SYTL2: variants seen among roughly 807,000 people sequenced by gnomAD.
The protein encoded by SYTL2 is synaptotagmin like 2, also known as synaptotagmin-like protein 2.
A neutral mutation model predicts 198.7 loss-of-function variants in SYTL2; 165 were observed. The ratio of observed to expected loss-of-function variants is 0.83; its 90% CI spans 0.73 to 0.94. The LOEUF (loss-of-function observed/expected upper bound fraction) is 0.94, where lower values mean the gene tolerates loss of function less well. SYTL2 is among the 40% of genes least tolerant of loss of function. The pLI, the probability that SYTL2 is intolerant of heterozygous loss-of-function variation, is 0.00. For synonymous variants in SYTL2, 966 were observed against 917.7 expected (o/e 1.05, Z -0.95); for missense variants, 2,835 against 2,582.8 (o/e 1.10, Z -2.12).
At chr11:85,714,991 TG>T (rs2086925950) in intron 11 of SYTL2, 1 of 152,544 alleles carries the variant, frequency 6.6e-6, no homozygotes, top group Non-Finnish European at 1.5e-5. Context: ...AGAGTAGGTT[TG>T]TTTAGTGAGC....
rs766544294 is a variant in SYTL2, at chr11:85,724,940, T to C, written c.4418A>G (p.Lys1473Arg). The change falls in exon 8 of 20, where the codon AAA becomes AGA. Residue 1473 changes from lysine to arginine, a missense_variant. Physicochemically the swap from Lys to Arg is conservative, Grantham distance 26 (BLOSUM62 2). Coordinates refer to ENST00000359152, the MANE Select transcript of SYTL2 (RefSeq NM_206927.4). ...TTCTTCCACTTCCTGAGGGAGGCCT[T>C]TGCCATATTGAGCAACAATGGAAGC... ...SFASIVAQYG[K>R]GLPQEVEEIV... 5.8e-5 allele frequency: 94 copies of C among 1,613,908 alleles called. No individual in the cohort carries two copies. Among genetic ancestry groups the C allele is most frequent in the Non-Finnish European group, 7.8e-5 (92 of 1,179,984 alleles).
chr11:85,733,317 C>T (rs1440595789), intron 7 of SYTL2, among the ~76,000 whole-genome samples: 1 of 152,166 alleles, frequency 6.6e-6, no homozygotes, highest in African/African-American at 2.4e-5. Flanking sequence ...GTCTTTCTTA[C>T]TCTATTCCAC....
In SYTL2 at chr11:85,726,372, T is replaced by C. The variant is rs1173638313; in HGVS notation, c.2986A>G (p.Asn996Asp). The C allele has an allele frequency of 1.2e-6, 2 of 1,613,894 alleles. No individual in the cohort carries two copies. Among genetic ancestry groups the C allele is most frequent in the Non-Finnish European group, 1.7e-6 (2 of 1,179,958 alleles). ...RKFWDLEANS[N>D]SKDNDKNITT... ...ATATTCTTGTCATTATCCTTACTGT[T>C]TGAATTAGCTTCTAAGTCCCAAAAC... The change falls in exon 8 of 20, where the codon AAC (asparagine) becomes GAC (aspartate). Residue 996 changes from asparagine to aspartate, a missense_variant. By Grantham distance (23) the Asn-to-Asp change is conservative (BLOSUM62 1). Coordinates refer to ENST00000359152, the MANE Select transcript of SYTL2 (RefSeq NM_206927.4).
At chr11:85,811,579 A>C (rs551429381), upstream of SYTL2, among the ~76,000 whole-genome samples, 2 of 152,212 alleles carry the variant, frequency 1.3e-5, no homozygotes, top group East Asian at 3.9e-4. Context: ...TCATGGGGTA[A>C]CTTGCTTTAA....
the SYTL2 span, among the ~76,000 whole-genome samples, chr11:85,818,178 C>T: frequency 6.6e-6 from 1 of 152,080 alleles, no homozygotes; most frequent in Non-Finnish European, 1.5e-5. Flanking sequence ...GCTGGTATTA[C>T]AGGCGTGAGC....
intron 9 of SYTL2, 94 bp from the exon 10 acceptor site, chr11:85,718,937 C>T: frequency 1.9e-6 from 3 of 1,557,436 alleles, no homozygotes; most frequent in Non-Finnish European, 2.6e-6. Flanking sequence ...GAGTTGGAAG[C>T]AATTAGTCAA....
intron 16 of SYTL2, among the ~76,000 whole-genome samples, chr11:85,702,656 T>C (rs79422696): frequency 0.021 from 3,145 of 152,306 alleles, 62 homozygotes; most frequent in Admixed American, 0.037. Context: ...CAAAGTCAGT[T>C]TATTCCCAGA....
In SYTL2 at chr11:85,726,509, G is replaced by T; in HGVS notation, c.2849C>A (p.Pro950His). The change falls in exon 8 of 20, where the codon CCT (proline) becomes CAT (histidine). Residue 950 changes from proline (P) to histidine (H), a missense_variant. This residue lies in a region of SYTL2 where 2,645 missense variants were observed against 2,381.7 expected (regional missense o/e 1.11). Transcript: ENST00000359152. ...GTTGGCATTTGATTCACGAACTAGA[G>T]GTCTGTCTTTCTCCAATGGAGCATG... ...ERHAPLEKDRPLVRESNANFK... is the reference protein window; with the variant it reads ...ERHAPLEKDRHLVRESNANFK... The T allele has an allele frequency of 1.2e-6, 2 of 1,605,902 alleles. No individual in the cohort carries two copies. The highest frequency in any genetic ancestry group is 1.7e-6 in the Non-Finnish European group (2 of 1,179,908).
At chr11:85,712,819 C>A (rs1354597397) in intron 12 of SYTL2, among the ~76,000 whole-genome samples, 1 of 151,964 alleles carries the variant, frequency 6.6e-6, no homozygotes, top group Non-Finnish European at 1.5e-5. Flanking sequence ...CGGGTTCAAG[C>A]AATTCCCCTG....
rs772821183 is a variant in SYTL2, at chr11:85,717,551, G to A, written c.5483-21C>T. ...CTCATCTACTCAGGAGGGCAACATT[G>A]AGAATAAATACCATTTTAACAGAAG... On this transcript the variant is annotated intron_variant, in intron 10 of 19. Transcript: ENST00000359152. 6.3e-6 allele frequency: 10 copies of A among 1,599,568 alleles called. No homozygotes were observed. In the East Asian group the frequency reaches 2.2e-4, roughly 36 times the overall value.
intron 1 of SYTL2, among the ~76,000 whole-genome samples, chr11:85,776,340 G>T (rs2092450775): frequency 6.6e-6 from 1 of 152,164 alleles, no homozygotes; most frequent in African/African-American, 2.4e-5. Flanking sequence ...GCCATGGTTT[G>T]CTGCACCCAT....
At chr11:85,716,137 G>C (rs1271507415) in intron 11 of SYTL2, 1 of 152,152 alleles carries the variant, frequency 6.6e-6, no homozygotes, top group Non-Finnish European at 1.5e-5. Flanking sequence ...CATGAATAAA[G>C]ATACAGATAT....
At chr11:85,773,025 T>A (rs2153582226) in intron 1 of SYTL2, among the ~76,000 whole-genome samples, 1 of 152,324 alleles carries the variant, frequency 6.6e-6, no homozygotes, top group African/African-American at 2.4e-5. Flanking sequence ...ACACTGAAAT[T>A]TCCTTGGGAA....
chr11:85,701,161 A>C (rs1460979535), intron 16 of SYTL2, among the ~76,000 whole-genome samples: 3 of 152,196 alleles, frequency 2.0e-5, no homozygotes, highest in African/African-American at 7.2e-5. Flanking sequence ...TCCTTATCTG[A>C]AATGCTTGGG....
At chr11:85,769,093 T>A (rs1474014310) in intron 1 of SYTL2, among the ~76,000 whole-genome samples, 2 of 152,214 alleles carry the variant, frequency 1.3e-5, no homozygotes, top group African/African-American at 4.8e-5. Flanking sequence ...AAAAGGGCTG[T>A]GCAAAAAAGT....
Position 85,736,575 on chromosome 11 carries a change from CCTT to C in SYTL2, c.509_511del (p.Glu170del). 1 of 1,606,306 alleles carries C rather than the reference CCTT, an allele frequency of 6.2e-7. No homozygotes were observed. On this transcript the variant is annotated inframe_deletion, in exon 6 of 20. Coordinates refer to ENST00000359152, the MANE Select transcript of SYTL2 (RefSeq NM_206927.4). ...ATTTTTAGTTTGTTGTGATGAGTGA[CCTT>C]CTGGCAACTTGGAGCTATTAAACGG... is the stretch of plus-strand genomic sequence containing the variant.
chr11:85,734,558 A>G lies in SYTL2; in HGVS notation c.771T>C (p.Pro257=). 6.2e-7 allele frequency: 1 copy of G among 1,614,206 alleles called. No individual in the cohort carries two copies. The highest frequency in any genetic ancestry group is 8.5e-7 in the Non-Finnish European group (1 of 1,180,026). ...CTTTCAGGGAGTCTGTCCTTTGTCT[A>G]GGAAAAGACTGGTTATCATCTTTGT... The part of the protein sequence containing the change: ...DLNKDDNQSF[P]RQRTDSLKAR... The change falls in exon 7 of 20, where the codon CCT becomes CCC. Residue 257 remains proline, a synonymous_variant. Transcript: ENST00000359152.
At chr11:85,708,049 G>A in intron 14 of SYTL2, 1 of 378,764 alleles carries the variant, frequency 2.6e-6, no homozygotes, top group Non-Finnish European at 5.1e-6. Flanking sequence ...TGTAATTCCA[G>A]CTAGTCAGGA....
At chr11:85,707,975 A>AAC (rs1306765777) in intron 14 of SYTL2, 1 of 190,466 alleles carries the variant, frequency 5.3e-6, no homozygotes, top group South Asian at 5.9e-5. Context: ...AAAAAAAAAA[A>AAC]CCACACACAC....
Sources: allele counts gnomAD v4.1 joint callset (sites outside exome capture counted in the v4.1 genomes callset), GRCh38; gene constraint gnomAD v4.1.1; regional missense constraint gnomAD v4.1.1; transcripts MANE v1.5; gene names NCBI Gene and HGNC (gene_info 2026-07-23, HGNC 2026-07-21).